SLC44A5: variants seen among roughly 807,000 people sequenced by gnomAD.
SLC44A5 encodes the protein choline transporter-like protein 5.
SLC44A5 carries 57 observed loss-of-function variants against 101.8 expected under a neutral mutation model. The ratio of observed to expected loss-of-function variants is 0.56; its 90% CI spans 0.45 to 0.70. SLC44A5 has a LOEUF of 0.70. Among genes scored for constraint, SLC44A5 ranks in the 30% least tolerant of loss-of-function variants. The pLI, the probability that SLC44A5 is intolerant of heterozygous loss-of-function variation, is 0.00. For synonymous variants in SLC44A5, 281 were observed against 290.9 expected (o/e 0.97, Z 0.35); for missense variants, 737 against 853.1 (o/e 0.86, Z 1.70).
At chr1:75,634,332 C>T in the SLC44A5 span, among the ~76,000 whole-genome samples, 1 of 152,098 alleles carries the variant, frequency 6.6e-6, no homozygotes, top group Non-Finnish European at 1.5e-5. Context: ...TAGAATTCGG[C>T]TGTGAATCCA....
intron 5 of SLC44A5, among the ~76,000 whole-genome samples, chr1:75,285,591 G>A (rs1652972577): frequency 6.6e-6 from 1 of 151,928 alleles, no homozygotes; most frequent in South Asian, 2.1e-4. Context: ...CAGACTTTTT[G>A]ATGTCAGCAT....
intron 4 of SLC44A5, among the ~76,000 whole-genome samples, chr1:75,312,155 T>G (rs1429312869): frequency 6.6e-6 from 1 of 152,200 alleles, no homozygotes; most frequent in East Asian, 1.9e-4. Flanking sequence ...GCTCTCATTC[T>G]CTTTCTTCCC....
chr1:75,723,701 A>G, the SLC44A5 span: 1 of 152,236 alleles, frequency 6.6e-6, no homozygotes, highest in Non-Finnish European at 1.5e-5. Context: ...TGCCTATACC[A>G]GGACAAACTC....
chr1:75,280,567 T>C (rs1652449539), intron 5 of SLC44A5, among the ~76,000 whole-genome samples: 1 of 146,316 alleles, frequency 6.8e-6, no homozygotes, highest in Admixed American at 7.3e-5. Context: ...TAATTCCATA[T>C]GATATGGTCT....
At chr1:75,513,896 A>G (rs1308112777) in intron 2 of SLC44A5, among the ~76,000 whole-genome samples, 2 of 152,202 alleles carry the variant, frequency 1.3e-5, no homozygotes, top group East Asian at 3.8e-4. Flanking sequence ...GCAGTGGCAC[A>G]ATCATAGTTC....
At chr1:75,564,877 C>T (rs900340575) in intron 1 of SLC44A5, among the ~76,000 whole-genome samples, 3 of 152,296 alleles carry the variant, frequency 2.0e-5, no homozygotes, top group African/African-American at 7.2e-5. Context: ...CCACCTCGGC[C>T]TCCCAAAATG....
chr1:75,514,167 A>C (rs1669707807), intron 2 of SLC44A5, among the ~76,000 whole-genome samples: 1 of 152,188 alleles, frequency 6.6e-6, no homozygotes, highest in Non-Finnish European at 1.5e-5. Flanking sequence ...ATTAATATAA[A>C]AAAGAACTCT....
chr1:75,481,383 C>A (rs183039219), intron 2 of SLC44A5, among the ~76,000 whole-genome samples: 9,862 of 152,128 alleles, frequency 0.065, 469 homozygotes, highest in African/African-American at 0.13. Flanking sequence ...GCAATGGCAA[C>A]AAAAGCCAAA....
intron 3 of SLC44A5, among the ~76,000 whole-genome samples, chr1:75,341,273 G>T (rs1006765354): frequency 6.6e-6 from 1 of 152,160 alleles, no homozygotes; most frequent in Non-Finnish European, 1.5e-5. Context: ...AGCCAAGGCT[G>T]GTGGACTGCT....
intron 7 of SLC44A5, among the ~76,000 whole-genome samples, chr1:75,250,212 C>T (rs1197568933): frequency 6.6e-6 from 1 of 152,008 alleles, no homozygotes; most frequent in African/African-American, 2.4e-5. Flanking sequence ...TCCATATGTT[C>T]TCATCATTTA....
intron 3 of SLC44A5, among the ~76,000 whole-genome samples, chr1:75,386,447 A>G (rs918832706): frequency 6.6e-6 from 1 of 152,108 alleles, no homozygotes; most frequent in Non-Finnish European, 1.5e-5. Context: ...CATGAGTGAA[A>G]TCCCATTCAC....
At chr1:75,394,428 CA>C (rs1442981330) in intron 3 of SLC44A5, among the ~76,000 whole-genome samples, 11 of 152,018 alleles carry the variant, frequency 7.2e-5, no homozygotes, top group East Asian at 1.9e-4. Flanking sequence ...GTTAATTGAT[CA>C]TTTTTTTTAA....
At chr1:75,418,380 G>C (rs1345058476) in intron 2 of SLC44A5, among the ~76,000 whole-genome samples, 1 of 152,174 alleles carries the variant, frequency 6.6e-6, no homozygotes, top group African/African-American at 2.4e-5. Flanking sequence ...CTAGTAATTA[G>C]GTTCAGTATT....
intron 4 of SLC44A5, among the ~76,000 whole-genome samples, chr1:75,315,253 T>A (rs1371292736): frequency 6.6e-6 from 1 of 152,208 alleles, no homozygotes; most frequent in African/African-American, 2.4e-5. Flanking sequence ...ATTACCATCA[T>A]TATTTATACA....
intron 3 of SLC44A5, among the ~76,000 whole-genome samples, chr1:75,386,254 A>G (rs1049067117): frequency 6.6e-6 from 1 of 152,166 alleles, no homozygotes; most frequent in African/African-American, 2.4e-5. Flanking sequence ...AATTAGGAAA[A>G]GAGGAAGTCA....
At chr1:75,389,548 G>A (rs1557733981) in intron 3 of SLC44A5, among the ~76,000 whole-genome samples, 1 of 151,876 alleles carries the variant, frequency 6.6e-6, no homozygotes, top group Non-Finnish European at 1.5e-5. Context: ...TACATGAAAA[G>A]TAAGCTCCTG....
intron 3 of SLC44A5, among the ~76,000 whole-genome samples, chr1:75,341,809 T>C (rs1164795909): frequency 6.6e-6 from 1 of 152,140 alleles, no homozygotes; most frequent in Non-Finnish European, 1.5e-5. Context: ...TAGATTTCAG[T>C]TCCCTAATCT....
chr1:75,570,930 G>A (rs768835417), intron 1 of SLC44A5, among the ~76,000 whole-genome samples: 9 of 152,148 alleles, frequency 5.9e-5, no homozygotes, highest in Non-Finnish European at 1.2e-4. Context: ...GAAGCAAAAG[G>A]CAGAGGATGC....
chr1:75,450,173 G>T (rs1665825458), intron 2 of SLC44A5, among the ~76,000 whole-genome samples: 1 of 152,104 alleles, frequency 6.6e-6, no homozygotes, highest in Non-Finnish European at 1.5e-5. Flanking sequence ...AGCGAGTGAA[G>T]CTCCAGTACT....
Sources: gnomAD v4.1 joint callset for allele counts (sites outside exome capture counted in the v4.1 genomes callset) on GRCh38, gnomAD v4.1.1 for gene constraint, MANE v1.5 for transcripts, NCBI Gene and HGNC (gene_info 2026-07-23, HGNC 2026-07-21) for gene names.